Variants in CAMTA1 observed in about 807,000 individuals in gnomAD.
CAMTA1 encodes calmodulin binding transcription activator 1, also known as calmodulin-binding transcription activator 1.
Under a neutral mutation model 170.9 loss-of-function variants are expected in CAMTA1, and 27 were observed. The ratio of observed to expected loss-of-function variants is 0.16; its 90% CI spans 0.12 to 0.22. The LOEUF (loss-of-function observed/expected upper bound fraction) is 0.22. Among genes scored for constraint, CAMTA1 ranks in the 10% least tolerant of loss-of-function variants. The pLI is 1.00. For missense variants in CAMTA1, 1,619 were observed against 2,217.2 expected, an observed-to-expected ratio of 0.73 and a Z score of 5.42; for synonymous variants, 833 against 891.5, an observed-to-expected ratio of 0.93 and a Z score of 1.17.
intron 11 of CAMTA1, among the ~76,000 whole-genome samples, chr1:7,721,817 T>C (rs1171338666): frequency 1.3e-5 from 2 of 152,204 alleles, no homozygotes; most frequent in Admixed American, 6.5e-5. Flanking sequence ...TTTCGCCATG[T>C]TGGCCAGGCT....
In CAMTA1 at chr1:7,665,077, G is replaced by T; in HGVS notation, c.2530G>T (p.Ala844Ser). ...CTCGGAGGGCGGGGCCAGCACCATG[G>T]CCTACATGCACGTCGCCGAGGTGGT... ...SSSEGGASTM[A>S]YMHVAEVVSA... is the part of the protein sequence containing the mutation. Residue 844 changes from alanine to serine, a missense_variant, in exon 9 of 23, where the codon GCC becomes TCC. Coordinates refer to ENST00000303635, the MANE Select transcript of CAMTA1 (RefSeq NM_015215.4). This position sits in a 1 kb window ranked among gnomAD's most constrained non-coding sequence, Gnocchi z 4.3. 6.4e-7 allele frequency: 1 copy of T among 1,556,980 alleles called. No individual in the cohort carries two copies.
At chr1:7,472,192 C>G (rs946538855) in intron 6 of CAMTA1, among the ~76,000 whole-genome samples, 2 of 152,298 alleles carry the variant, frequency 1.3e-5, no homozygotes, top group East Asian at 1.9e-4. Context: ...AAGAGCACGG[C>G]TGCGGGGAGA....
rs756109551 is a variant in CAMTA1, at chr1:7,493,120, GCA to G, written c.510+25226_510+25227del. 2.1e-4 allele frequency among the ~76,000 whole-genome samples: 23 copies of G among 109,196 alleles called. 1 individual carries two copies. Among genetic ancestry groups the G allele is most frequent in the Non-Finnish European group, 3.3e-4 (19 of 57,726 alleles). 71.6% of individuals were successfully genotyped at this position (109,196 alleles called of 152,430 possible). On this transcript the variant is annotated intron_variant, in intron 6 of 22. Coordinates refer to ENST00000303635, the MANE Select transcript of CAMTA1 (RefSeq NM_015215.4). ...AACACAAACCTACATACACACACGC[GCA>G]CACACAGACATACAAACGTGAGCAC...
At chr1:7,473,069 A>C (rs6666017) in intron 6 of CAMTA1, among the ~76,000 whole-genome samples, 9,599 of 152,216 alleles carry the variant, frequency 0.063, 537 homozygotes, top group East Asian at 0.16. Flanking sequence ...CAGGGGAGAG[A>C]TGAAGCTCCA....
intron 4 of CAMTA1, among the ~76,000 whole-genome samples, chr1:7,160,480 T>C (rs1166834302): frequency 1.3e-5 from 2 of 152,054 alleles, no homozygotes; most frequent in African/African-American, 2.4e-5. Flanking sequence ...CGTTTTTTTT[T>C]CTTGAAACAG....
chr1:6,905,796 T>C (rs1410884919), intron 3 of CAMTA1, among the ~76,000 whole-genome samples: 1 of 152,214 alleles, frequency 6.6e-6, no homozygotes, highest in African/African-American at 2.4e-5. Flanking sequence ...GCATCTCTTA[T>C]TGCGTGTTCT....
chr1:7,440,653 C>T (rs1444514136), intron 5 of CAMTA1, among the ~76,000 whole-genome samples: 1 of 152,058 alleles, frequency 6.6e-6, no homozygotes, highest in Non-Finnish European at 1.5e-5. Flanking sequence ...AAGGTGTGGT[C>T]CCCGGATCCC....
intron 6 of CAMTA1, among the ~76,000 whole-genome samples, chr1:7,616,436 A>T (rs2095559071): frequency 6.6e-6 from 1 of 152,268 alleles, no homozygotes; most frequent in South Asian, 2.1e-4. Context: ...AAATGCTAAG[A>T]GATGAGGCAG....
chr1:7,755,306 G>A (rs2096923493), intron 21 of CAMTA1, among the ~76,000 whole-genome samples: 1 of 129,604 alleles, frequency 7.7e-6, no homozygotes, highest in African/African-American at 3.0e-5. Context: ...CAGCCTGGGC[G>A]ACAGGGAGAG....
At chr1:7,451,015 G>A (rs760011584) in intron 5 of CAMTA1, among the ~76,000 whole-genome samples, 8 of 152,184 alleles carry the variant, frequency 5.3e-5, no homozygotes, top group Non-Finnish European at 1.0e-4. Context: ...TAATTACAGA[G>A]GCCCAGGCAG....
intron 3 of CAMTA1, among the ~76,000 whole-genome samples, chr1:6,837,432 C>CT (rs1028818958): frequency 2.0e-5 from 3 of 152,032 alleles, no homozygotes; most frequent in African/African-American, 2.4e-5. Flanking sequence ...CAAAGGGACA[C>CT]TTTTTCAGAG....
chr1:7,408,732 T>A (rs1421523877), intron 5 of CAMTA1, among the ~76,000 whole-genome samples: 1 of 152,180 alleles, frequency 6.6e-6, no homozygotes, highest in Non-Finnish European at 1.5e-5. Flanking sequence ...TCAGCCTCCA[T>A]AGCACGCCTT....
intron 1 of CAMTA1, among the ~76,000 whole-genome samples, chr1:6,786,991 T>C (rs1639597915): frequency 6.6e-6 from 1 of 152,194 alleles, no homozygotes; most frequent in Non-Finnish European, 1.5e-5. Context: ...GCCTTGTTTT[T>C]TGATGTTTTG....
intron 4 of CAMTA1, among the ~76,000 whole-genome samples, chr1:7,186,998 T>G (rs984873289): frequency 2.0e-5 from 3 of 151,920 alleles, no homozygotes; most frequent in Non-Finnish European, 2.9e-5. Context: ...ATTCAGAGTC[T>G]CCCTGGGAAG....
At chr1:7,136,000 T>G (rs1212997022) in intron 4 of CAMTA1, among the ~76,000 whole-genome samples, 3 of 152,194 alleles carry the variant, frequency 2.0e-5, no homozygotes, top group East Asian at 3.9e-4. Flanking sequence ...TTTTACTTTC[T>G]GAAGGCTTAT....
At chr1:7,579,552 C>CTTTCTTTCTTTTT (rs1436192966) in intron 6 of CAMTA1, among the ~76,000 whole-genome samples, 4 of 79,190 alleles carry the variant, frequency 5.1e-5, no homozygotes, top group African/African-American at 2.4e-4. Context: ...CTTTTCTTTT[C>CTTTCTTTCTTTTT]TTTTTTTTTT....
intron 6 of CAMTA1, among the ~76,000 whole-genome samples, chr1:7,610,553 T>C (rs1366390546): frequency 6.6e-6 from 1 of 152,204 alleles, no homozygotes; most frequent in Non-Finnish European, 1.5e-5. Flanking sequence ...CTAGCCTGGT[T>C]CTGCCATTCA....
chr1:7,696,074 G>A (rs776564675), intron 11 of CAMTA1, among the ~76,000 whole-genome samples: 1 of 152,178 alleles, frequency 6.6e-6, no homozygotes, highest in East Asian at 1.9e-4. Context: ...CAGTGGCTGT[G>A]AGGATGGTGA....
At chr1:7,647,287 G>A (rs1007823259) in intron 7 of CAMTA1, among the ~76,000 whole-genome samples, 1 of 151,634 alleles carries the variant, frequency 6.6e-6, no homozygotes, top group African/African-American at 2.4e-5. Flanking sequence ...AAGGGGGGGG[G>A]GCTGTGTTTA....
Sources: gnomAD v4.1 joint callset for allele counts (sites outside exome capture counted in the v4.1 genomes callset) on GRCh38, gnomAD v4.1.1 for gene constraint, Gnocchi (gnomAD v3.1) non-coding constraint, MANE v1.5 for transcripts, NCBI Gene and HGNC (gene_info 2026-07-23, HGNC 2026-07-21) for gene names.